Variants in ELF1 observed in about 807,000 individuals in gnomAD.
The protein encoded by ELF1 is ETS-related transcription factor Elf-1.
Under a neutral mutation model 59.9 loss-of-function variants are expected in ELF1, and 24 were observed. The ratio of observed to expected loss-of-function variants is 0.40; its 90% CI spans 0.29 to 0.56. The LOEUF (loss-of-function observed/expected upper bound fraction) is 0.56. Among genes scored for constraint, ELF1 ranks in the 20% least tolerant of loss-of-function variants. The pLI, the probability that ELF1 is intolerant of heterozygous loss-of-function variation, is 0.44. For missense variants in ELF1, 627 were observed against 742.2 expected, an observed-to-expected ratio of 0.84 and a Z score of 1.80; for synonymous variants, 248 against 266.2, an observed-to-expected ratio of 0.93 and a Z score of 0.67.
chr13:40,979,354 T>A (rs1873122867), intron 2 of ELF1, among the ~76,000 whole-genome samples: 1 of 152,170 alleles, frequency 6.6e-6, no homozygotes, highest in African/African-American at 2.4e-5. Context: ...TTCTATTATT[T>A]TCATCCCCAT....
Position 40,942,874 on chromosome 13 carries a change from G to C in ELF1, c.806+78C>G, listed in dbSNP as rs909976869. 5.8e-6 allele frequency: 8 copies of C among 1,378,406 alleles called. No homozygotes were observed. In the African/African-American group the frequency reaches 1.0e-4, roughly 18 times the overall value. 85.4% of individuals were successfully genotyped at this position (1,378,406 alleles called of 1,614,324 possible). On this transcript the variant is annotated intron_variant, in intron 7 of 8. Coordinates refer to ENST00000239882, the MANE Select transcript of ELF1 (RefSeq NM_172373.4). Reference sequence around the variant, plus strand: ...GCATTACCACTATTGGTGCTTTGCTGAACTTAAGCTTAGTATTTTTTTTTA... The same window carrying C: ...GCATTACCACTATTGGTGCTTTGCTCAACTTAAGCTTAGTATTTTTTTTTA...
intron 3 of ELF1, among the ~76,000 whole-genome samples, chr13:40,955,373 G>A: frequency 7.1e-6 from 1 of 141,798 alleles, no homozygotes; most frequent in South Asian, 2.3e-4. Flanking sequence ...GGAGGGAGAT[G>A]GGGGGGTCAT....
chr13:40,964,147 A>C (rs931802626), intron 2 of ELF1, among the ~76,000 whole-genome samples: 1 of 152,194 alleles, frequency 6.6e-6, no homozygotes, highest in South Asian at 2.1e-4. Context: ...CAAGAACCTA[A>C]GAACTCTAGA....
chr13:41,044,789 C>T (rs1289231994), intron 1 of ELF1, among the ~76,000 whole-genome samples: 1 of 152,144 alleles, frequency 6.6e-6, no homozygotes, highest in East Asian at 1.9e-4. Flanking sequence ...GCTTTGGTAT[C>T]AGGATGATGC....
intron 1 of ELF1, among the ~76,000 whole-genome samples, chr13:41,009,197 T>A (rs1874914993): frequency 6.6e-6 from 1 of 152,064 alleles, no homozygotes; most frequent in Admixed American, 6.6e-5. Flanking sequence ...CATTGGTTAA[T>A]ATTGGTAAAT....
At chr13:40,992,949 A>ATTAC in intron 1 of ELF1, 1 of 820,608 alleles carries the variant, frequency 1.2e-6, no homozygotes, top group Non-Finnish European at 2.1e-6. Context: ...CTTTTCTTTG[A>ATTAC]TTACTTTTTT....
chr13:41,023,911 T>C (rs1875783116), upstream of ELF1, among the ~76,000 whole-genome samples: 1 of 152,210 alleles, frequency 6.6e-6, no homozygotes, highest in Non-Finnish European at 1.5e-5. Flanking sequence ...AGGATTTTCG[T>C]AAACATTGAA....
At chr13:40,939,568 T>A (rs552047317) in intron 8 of ELF1, among the ~76,000 whole-genome samples, 1 of 152,208 alleles carries the variant, frequency 6.6e-6, no homozygotes, top group South Asian at 2.1e-4. Context: ...TCATCACCTG[T>A]AACCCACAGG....
chr13:40,955,660 G>A lies in ELF1; in HGVS notation c.253+3176C>T, dbSNP rs868407913. 3.1e-3 allele frequency among the ~76,000 whole-genome samples: 337 copies of A among 107,734 alleles called. 5 individuals are homozygous for A. Among genetic ancestry groups the A allele is most frequent in the African/African-American group, 8.7e-3 (247 of 28,244 alleles). 70.7% of individuals were successfully genotyped at this position (107,734 alleles called of 152,430 possible). ...GCCCCTCTGCCCGGCCAGCCGCCCC[G>A]TCCGGGAGGGAGGTGGGGGAGTCAG... is the stretch of plus-strand genomic sequence containing the variant. On this transcript the variant is annotated intron_variant, in intron 3 of 8. Coordinates refer to ENST00000239882, the MANE Select transcript of ELF1 (RefSeq NM_172373.4).
At chr13:41,031,964 T>C (rs1876182963) in intron 1 of ELF1, among the ~76,000 whole-genome samples, 1 of 151,942 alleles carries the variant, frequency 6.6e-6, no homozygotes, top group Admixed American at 6.6e-5. Context: ...ACTTCACTAA[T>C]AAAATGTAGA....
intron 1 of ELF1, chr13:40,982,800 G>A: frequency 1.2e-6 from 1 of 827,618 alleles, no homozygotes; most frequent in Non-Finnish European, 1.5e-6. Flanking sequence ...AGAAATTAAA[G>A]CCCACTCTTT....
At chr13:40,963,014 A>G (rs536196018) in intron 2 of ELF1, among the ~76,000 whole-genome samples, 10 of 152,212 alleles carry the variant, frequency 6.6e-5, no homozygotes, top group Non-Finnish European at 1.5e-4. Context: ...TGCCATTGCT[A>G]TTAACCAACA....
intron 1 of ELF1, among the ~76,000 whole-genome samples, chr13:41,056,586 C>T (rs1877294839): frequency 6.6e-6 from 1 of 152,178 alleles, no homozygotes; most frequent in Non-Finnish European, 1.5e-5. Flanking sequence ...TATACATTTC[C>T]AGCAGCACTG....
chr13:41,047,002 A>C (rs1304596227), intron 1 of ELF1, among the ~76,000 whole-genome samples: 4 of 152,060 alleles, frequency 2.6e-5, no homozygotes, highest in Admixed American at 1.3e-4. Flanking sequence ...TTTTTTCTCT[A>C]AACTTCTCTT....
upstream of ELF1, among the ~76,000 whole-genome samples, chr13:41,023,331 T>A (rs1475419500): frequency 6.6e-6 from 1 of 152,136 alleles, no homozygotes; most frequent in Admixed American, 6.5e-5. Flanking sequence ...AAACTTAGGC[T>A]AAAAAAAGCT....
chr13:41,020,252 C>T (rs765838930), upstream of ELF1, among the ~76,000 whole-genome samples: 15 of 152,222 alleles, frequency 9.9e-5, no homozygotes, highest in Admixed American at 5.9e-4. Context: ...CCTACTTATT[C>T]TGGCCTCTGG....
At chr13:40,939,800 A>G (rs1461212550) in intron 8 of ELF1, among the ~76,000 whole-genome samples, 2 of 152,198 alleles carry the variant, frequency 1.3e-5, no homozygotes, top group Non-Finnish European at 2.9e-5. Context: ...TCAAAATCCG[A>G]AACAATTCTA....
At chr13:41,054,815 A>C (rs1404582511) in intron 1 of ELF1, among the ~76,000 whole-genome samples, 1 of 152,138 alleles carries the variant, frequency 6.6e-6, no homozygotes, top group Non-Finnish European at 1.5e-5. Flanking sequence ...CCTTCCATCC[A>C]CCAGTTCAAC....
chr13:41,012,078 A>T (rs1405663777), intron 1 of ELF1, among the ~76,000 whole-genome samples: 2 of 152,096 alleles, frequency 1.3e-5, no homozygotes, highest in African/African-American at 4.8e-5. Flanking sequence ...AGGCTAAGGT[A>T]GGCGGATCAC....
Sources: allele counts gnomAD v4.1 joint callset (sites outside exome capture counted in the v4.1 genomes callset), GRCh38; gene constraint gnomAD v4.1.1; transcripts MANE v1.5; gene names NCBI Gene and HGNC (gene_info 2026-07-23, HGNC 2026-07-21).